Variants in FNDC1 observed in about 807,000 individuals in gnomAD.
The protein encoded by FNDC1 is fibronectin type III domain-containing protein 1.
In FNDC1, 96 loss-of-function variants were observed where a neutral mutation model predicts 168.0. The ratio of observed to expected loss-of-function variants is 0.57; its 90% CI spans 0.48 to 0.68. FNDC1 has a LOEUF of 0.68. Among genes scored for constraint, FNDC1 ranks in the 30% least tolerant of loss-of-function variants. FNDC1 has a pLI of 0.00. For synonymous variants in FNDC1, 1,099 were observed against 1,025.9 expected (o/e 1.07, Z -1.36); for missense variants, 2,587 against 2,482.1 (o/e 1.04, Z -0.90).
intron 17 of FNDC1, among the ~76,000 whole-genome samples, chr6:159,255,072 G>A (rs1211833634): frequency 6.6e-6 from 1 of 152,222 alleles, no homozygotes; most frequent in Non-Finnish European, 1.5e-5. Flanking sequence ...TTCTGCACAG[G>A]AGAGATGTGT....
intron 4 of FNDC1, among the ~76,000 whole-genome samples, chr6:159,213,857 G>A (rs1222964520): frequency 6.6e-6 from 1 of 152,164 alleles, no homozygotes; most frequent in Admixed American, 6.5e-5. Context: ...ATTCCTTTTG[G>A]TTAGATTCAG....
intron 20 of FNDC1, among the ~76,000 whole-genome samples, chr6:159,265,471 C>T (rs1272076056): frequency 6.6e-6 from 1 of 152,148 alleles, no homozygotes; most frequent in East Asian, 1.9e-4. Flanking sequence ...CCAAATCTGC[C>T]ATTACAGCTT....
At chr6:159,236,399 A>C (rs1783261230) in intron 12 of FNDC1, 84 bp downstream of exon 12, 1 of 893,012 alleles carries the variant, frequency 1.1e-6, no homozygotes, top group South Asian at 1.5e-5. Context: ...ATGATAAATG[A>C]AGTGGTCTTT....
chr6:159,213,115 C>A (rs1436257252), intron 4 of FNDC1, among the ~76,000 whole-genome samples: 1 of 152,222 alleles, frequency 6.6e-6, no homozygotes, highest in Non-Finnish European at 1.5e-5. Flanking sequence ...CAAGAGCCAG[C>A]CTCAGCCCTG....
chr6:159,234,202 T>A lies in FNDC1; in HGVS notation c.3690T>A (p.Leu1230=). 1.3e-6 allele frequency: 2 copies of A among 1,597,998 alleles called. No homozygotes were observed. The highest frequency in any genetic ancestry group is 1.7e-6 in the Non-Finnish European group (2 of 1,172,278). The change falls in exon 11 of 23, where the codon CTT becomes CTA. Residue 1230 remains leucine, a synonymous_variant. Coordinates refer to ENST00000297267, the MANE Select transcript of FNDC1 (RefSeq NM_032532.3). ...AAGAGAGGGAGCCTGCCATCGCGCTTGCCCCTCGCGGAGGGAGCCTGGCTC... is the reference window on the plus strand; with the variant it reads ...AAGAGAGGGAGCCTGCCATCGCGCTAGCCCCTCGCGGAGGGAGCCTGGCTC... ...AKEEREPAIA[L]APRGGSLAPV...
At chr6:159,269,405 G>C (rs1473988868) in intron 22 of FNDC1, among the ~76,000 whole-genome samples, 2 of 8,316 alleles carry the variant, frequency 2.4e-4, no homozygotes, top group South Asian at 2.6e-3. Flanking sequence ...ATCTGTCTAT[G>C]TATGTATGTA....
intron 2 of FNDC1, among the ~76,000 whole-genome samples, chr6:159,199,759 T>C (rs1048909218): frequency 7.2e-5 from 11 of 152,258 alleles, no homozygotes; most frequent in African/African-American, 2.7e-4. Flanking sequence ...GGCATGTACC[T>C]TGTATGAAAT....
At chr6:159,269,238 T>TATCCATCTATC (rs1366294794) in intron 22 of FNDC1, among the ~76,000 whole-genome samples, 20 of 123,800 alleles carry the variant, frequency 1.6e-4, no homozygotes, top group East Asian at 5.5e-4. Context: ...TCTATCTATC[T>TATCCATCTATC]ATCTATCTAT....
At chr6:159,254,403 C>T (rs577569935) in intron 17 of FNDC1, among the ~76,000 whole-genome samples, 110 of 152,272 alleles carry the variant, frequency 7.2e-4, no homozygotes, top group African/African-American at 2.6e-3. Context: ...CCATCCTCTC[C>T]TCTGAGCCCC....
chr6:159,254,569 G>T (rs963339839), intron 17 of FNDC1, among the ~76,000 whole-genome samples: 5 of 151,944 alleles, frequency 3.3e-5, no homozygotes, highest in East Asian at 1.9e-4. Flanking sequence ...TTAGCTGGGC[G>T]TGGTGGTGGG....
chr6:159,232,763 C>T lies in FNDC1; in HGVS notation c.2251C>T (p.Pro751Ser), dbSNP rs767373258. The change falls in exon 11 of 23, where the codon CCA (proline) becomes TCA (serine). Residue 751 changes from proline (P) to serine (S), a missense_variant. Pro to Ser is a moderately conservative substitution (Grantham distance 74, BLOSUM62 -1). Coordinates refer to ENST00000297267, the MANE Select transcript of FNDC1 (RefSeq NM_032532.3). The surrounding 1 kb of genome is among the most constrained non-coding windows in gnomAD (Gnocchi z 4.9). ...GGGCGGGAAGGATGGTGAGGACGCC[C>T]CAGCCACCAACTCCAATGCGCCATC... ...SKGGKDGEDA[P>S]ATNSNAPSRS... is the part of the protein sequence containing the mutation. 2.5e-6 allele frequency: 4 copies of T among 1,613,816 alleles called. No individual in the cohort carries two copies. Among genetic ancestry groups the T allele is most frequent in the Admixed American group, 1.7e-5 (1 of 60,006 alleles).
chr6:159,192,952 T>C (rs1328358478), intron 1 of FNDC1, among the ~76,000 whole-genome samples: 2 of 152,296 alleles, frequency 1.3e-5, no homozygotes, highest in East Asian at 3.9e-4. Flanking sequence ...AGACTTTAGC[T>C]TTCATCTTGA....
chr6:159,221,649 G>A lies in FNDC1; in HGVS notation c.719G>A (p.Arg240Gln), dbSNP rs764526881. The change falls in exon 6 of 23, where the codon CGG (arginine) becomes CAG (glutamine). Residue 240 changes from arginine (R) to glutamine (Q), a missense_variant. Coordinates refer to ENST00000297267, the MANE Select transcript of FNDC1 (RefSeq NM_032532.3). ...CTGCAGTCCATGAACTCTCAGGGCC[G>A]GAGCCAACCAGTCTACAGGGCTGCC... ...VSLQSMNSQG[R>Q]SQPVYRAALT... 33 of 1,613,894 alleles carry A rather than the reference G, an allele frequency of 2.0e-5. No individual in the cohort carries two copies. The highest frequency in any genetic ancestry group is 2.6e-5 in the Non-Finnish European group (31 of 1,179,888).
Position 159,169,830 on chromosome 6 carries a change from C to T in FNDC1, c.109+125C>T, listed in dbSNP as rs868759075. 2.4e-5 allele frequency: 7 copies of T among 292,970 alleles called. No individual in the cohort carries two copies. In the South Asian group the frequency reaches 8.9e-4, roughly 37 times the overall value. 18.1% of individuals were successfully genotyped at this position (292,970 alleles called of 1,614,324 possible). A position where few individuals can be genotyped will look rare whatever the true frequency, so the allele number is the denominator to read the frequency against. On this transcript the variant is annotated intron_variant, in intron 1 of 22. Coordinates refer to ENST00000297267, the MANE Select transcript of FNDC1 (RefSeq NM_032532.3). The surrounding 1 kb of genome is among the most constrained non-coding windows in gnomAD (Gnocchi z 6.8). The stretch of plus-strand genomic sequence containing the variant: ...CACTAGCCTGTGCGTCCTCGTCACT[C>T]GCGGGTCGGGGCACTTGGCGCCCTG...
At chr6:159,237,427 C>T (rs388001) in intron 12 of FNDC1, among the ~76,000 whole-genome samples, 128,393 of 152,118 alleles carry the variant, frequency 0.84, 54,656 homozygotes, top group Non-Finnish European at 0.9. Flanking sequence ...AGGTCCAGGA[C>T]CATGCTTTGA....
Position 159,197,536 on chromosome 6 carries a change from A to G in FNDC1, c.215A>G (p.His72Arg). 3 of 1,614,054 alleles carry G rather than the reference A, an allele frequency of 1.9e-6. No individual in the cohort carries two copies. The highest frequency in any genetic ancestry group is 2.5e-6 in the Non-Finnish European group (3 of 1,179,894). The change falls in exon 2 of 23, where the codon CAT becomes CGT. Residue 72 changes from histidine (H) to arginine (R), a missense_variant. Physicochemically the swap from His to Arg is conservative, Grantham distance 29. Transcript: ENST00000297267. Reference protein sequence around the residue: ...PKDATSRPVEHYNIAYGKSLK... With the variant: ...PKDATSRPVERYNIAYGKSLK... ...GATGCTACCAGTAGACCTGTGGAGC[A>G]TTACAACATTGCCTATGGGAAGTCA...
intron 1 of FNDC1, among the ~76,000 whole-genome samples, chr6:159,183,965 C>T (rs1049662680): frequency 6.6e-6 from 1 of 152,188 alleles, no homozygotes; most frequent in Non-Finnish European, 1.5e-5. Context: ...ATACTTATTG[C>T]TTTTAATTAT....
At chr6:159,174,349 C>A (rs535001670) in intron 1 of FNDC1, among the ~76,000 whole-genome samples, 21 of 152,250 alleles carry the variant, frequency 1.4e-4, no homozygotes, top group Non-Finnish European at 2.4e-4. Context: ...GTGAGCACCC[C>A]GTTTTCCTCC....
chr6:159,206,695 C>G (rs1240995956), intron 4 of FNDC1, among the ~76,000 whole-genome samples: 2 of 152,138 alleles, frequency 1.3e-5, no homozygotes, highest in East Asian at 3.9e-4. Context: ...TTGGTGCTAC[C>G]ATTAATCAGA....
Sources: gnomAD v4.1 joint callset for allele counts (sites outside exome capture counted in the v4.1 genomes callset) on GRCh38, gnomAD v4.1.1 for gene constraint, Gnocchi (gnomAD v3.1) non-coding constraint, MANE v1.5 for transcripts, NCBI Gene and HGNC (gene_info 2026-07-23, HGNC 2026-07-21) for gene names.